MYL4: variants seen among roughly 807,000 people sequenced by gnomAD.
The protein encoded by MYL4 is atrial myosin light chain 1.
In MYL4, 16 loss-of-function variants were observed where a neutral mutation model predicts 21.6. The ratio of observed to expected loss-of-function variants is 0.74; its 90% confidence interval spans 0.50 to 1.12. The LOEUF (loss-of-function observed/expected upper bound fraction) is 1.12. Ranked by LOEUF, MYL4 falls within the 50% of genes most tolerant of loss-of-function variation. The pLI is 0.00. For missense variants in MYL4, 249 were observed against 252.9 expected (o/e 0.98, Z 0.11); for synonymous variants, 82 against 95.7 (o/e 0.86, Z 0.83).
At chr17:47,217,024 C>T (rs2064820385) in intron 2 of MYL4, among the ~76,000 whole-genome samples, 1 of 152,156 alleles carries the variant, frequency 6.6e-6, no homozygotes, top group Non-Finnish European at 1.5e-5. Flanking sequence ...AGGAGACTTC[C>T]TCTTTTGTTA....
At chr17:47,212,816 T>C (rs1334532462) in intron 1 of MYL4, among the ~76,000 whole-genome samples, 1 of 152,206 alleles carries the variant, frequency 6.6e-6, no homozygotes, top group Admixed American at 6.5e-5. Context: ...GAAAATCAGA[T>C]GAACAACTTA....
chr17:47,205,674 CG>C (rs2064725938), upstream of MYL4, among the ~76,000 whole-genome samples: 1 of 152,188 alleles, frequency 6.6e-6, no homozygotes, highest in African/African-American at 2.4e-5. Context: ...ATTTGAGGAG[CG>C]TCTCCTCCCC....
chr17:47,211,061 C>A (rs2064770686), intron 1 of MYL4, among the ~76,000 whole-genome samples: 1 of 152,088 alleles, frequency 6.6e-6, no homozygotes, highest in African/African-American at 2.4e-5. Context: ...TTCATTCACT[C>A]TCCTCTCTCA....
upstream of MYL4, chr17:47,209,030 G>T: frequency 3.4e-6 from 1 of 293,716 alleles, no homozygotes; most frequent in Non-Finnish European, 6.5e-6. Context: ...TGGGCTTTGT[G>T]TGAGGCTTAT....
upstream of MYL4, among the ~76,000 whole-genome samples, chr17:47,207,113 C>T (rs2064731387): frequency 6.6e-6 from 1 of 152,100 alleles, no homozygotes; most frequent in East Asian, 1.9e-4. Context: ...GTGAGGTGCA[C>T]AGAGCAAAGG....
chr17:47,199,168 G>C (rs574074142), upstream of MYL4, among the ~76,000 whole-genome samples: 23 of 151,512 alleles, frequency 1.5e-4, no homozygotes, highest in Non-Finnish European at 2.5e-4. Context: ...GTGACCCCCA[G>C]AAGTGGACCT....
intron 1 of MYL4, among the ~76,000 whole-genome samples, chr17:47,212,794 C>T (rs972374474): frequency 6.6e-6 from 1 of 152,142 alleles, no homozygotes; most frequent in Non-Finnish European, 1.5e-5. Flanking sequence ...CTCTTATTTT[C>T]CTGATTTCTT....
downstream of MYL4, among the ~76,000 whole-genome samples, chr17:47,225,473 G>A (rs1326906030): frequency 6.6e-6 from 1 of 152,218 alleles, no homozygotes; most frequent in Non-Finnish European, 1.5e-5. Flanking sequence ...CTCTGGCTGA[G>A]GAGGAGAGGG....
At position 47,219,507 on chromosome 17, in the gene MYL4, C is replaced by G. The variant is rs532840707; in HGVS notation, c.164-397C>G. On this transcript the variant is annotated intron_variant, in intron 2 of 6. Transcript: ENST00000393450. ...GGAGGGGTGGAGGCCAGGGAGACAT[C>G]TGAATTTTTTTTTTGTTTCAAGATG... Among the ~76,000 whole-genome samples, 325 of 152,154 alleles carry G rather than the reference C, an allele frequency of 2.1e-3. 4 individuals carry two copies. The highest frequency in any genetic ancestry group is 7.3e-3 in the African/African-American group (304 of 41,494).
chr17:47,217,966 G>A (rs1176545000), intron 2 of MYL4, among the ~76,000 whole-genome samples: 7 of 151,522 alleles, frequency 4.6e-5, no homozygotes, highest in East Asian at 1.9e-4. Flanking sequence ...CGCTTGAACC[G>A]GGAGGCGGAG....
rs935597397 is a variant in MYL4, at chr17:47,202,246, A to G, written c.-35+1660A>G. ...AGTGATCCACCTGCCTTGGCCTCCC[A>G]AAGTGTTGGGATTACAGGCATGAGC... On this transcript the variant is annotated intron_variant and NMD_transcript_variant, in intron 1 of 6. Coordinates refer to the MYL4 transcript ENST00000571981. 3.9e-5 allele frequency among the ~76,000 whole-genome samples: 6 copies of G among 152,224 alleles called. No individual in the cohort carries two copies. In the East Asian group the frequency reaches 1.2e-3, roughly 29 times the overall value.
At chr17:47,216,936 T>C (rs143757684) in intron 2 of MYL4, among the ~76,000 whole-genome samples, 2,352 of 152,216 alleles carry the variant, frequency 0.015, 55 homozygotes, top group African/African-American at 0.054. Flanking sequence ...TCAGGTGATC[T>C]GCCCGCCTTG....
At chr17:47,220,433 C>T (rs956514110) in intron 3 of MYL4, among the ~76,000 whole-genome samples, 1 of 152,202 alleles carries the variant, frequency 6.6e-6, no homozygotes, top group African/African-American at 2.4e-5. Flanking sequence ...ACCGAGGTAT[C>T]CTGTGGTGGC....
the MYL4 span, among the ~76,000 whole-genome samples, chr17:47,189,970 G>T: frequency 6.6e-6 from 1 of 151,830 alleles, no homozygotes; most frequent in East Asian, 1.9e-4. Flanking sequence ...AAAGTTCTAT[G>T]GAAGGAAAAA....
upstream of MYL4, among the ~76,000 whole-genome samples, chr17:47,204,774 A>G (rs943127659): frequency 5.9e-5 from 9 of 151,980 alleles, no homozygotes; most frequent in Non-Finnish European, 1.2e-4. Context: ...AGGACTCTAA[A>G]CCAGGCAGTC....
At chr17:47,224,223 A>G (rs538183627), downstream of MYL4, among the ~76,000 whole-genome samples, 36 of 152,330 alleles carry the variant, frequency 2.4e-4, no homozygotes, top group Admixed American at 1.7e-3. Flanking sequence ...ACAGTTCCAC[A>G]TGGCTGGGGA....
chr17:47,195,039 C>T, the MYL4 span, among the ~76,000 whole-genome samples: 1 of 151,590 alleles, frequency 6.6e-6, no homozygotes, highest in African/African-American at 2.4e-5. Context: ...CGGTGCCCAG[C>T]CCCTTCATGG....
intron 4 of MYL4, 60 bp downstream of exon 4, chr17:47,221,915 A>G: frequency 6.4e-7 from 1 of 1,565,960 alleles, no homozygotes; most frequent in Non-Finnish European, 8.7e-7. Context: ...GGGAGGTGCC[A>G]AGGTGACATA....
At chr17:47,207,136 A>G (rs528832951), upstream of MYL4, among the ~76,000 whole-genome samples, 4 of 152,342 alleles carry the variant, frequency 2.6e-5, no homozygotes, top group African/African-American at 9.6e-5. Flanking sequence ...CCACCATCCC[A>G]GCTCAGGACC....
Sources: allele counts gnomAD v4.1 joint callset (sites outside exome capture counted in the v4.1 genomes callset), GRCh38; gene constraint gnomAD v4.1.1; transcripts MANE v1.5; gene names NCBI Gene and HGNC (gene_info 2026-07-23, HGNC 2026-07-21).